Variants in ARHGAP15 observed in about 807,000 individuals in gnomAD.
The protein encoded by ARHGAP15 is Rho GTPase activating protein 15.
A neutral mutation model predicts 63.7 loss-of-function variants in ARHGAP15; 51 were observed. The ratio of observed to expected loss-of-function variants is 0.80; its 90% CI spans 0.64 to 1.01. The LOEUF (loss-of-function observed/expected upper bound fraction) is 1.01, where lower values mean the gene tolerates loss of function less well. ARHGAP15 is among the 50% of genes least tolerant of loss of function. The probability of loss-of-function intolerance (pLI) is 0.00; values close to 1 mark genes in which losing one functional copy is unlikely to be tolerated. For missense variants in ARHGAP15, 560 were observed against 564.6 expected (o/e 0.99, Z 0.08); for synonymous variants, 191 against 193.8 (o/e 0.99, Z 0.12).
chr2:143,228,716 G>A (rs1406362135), intron 5 of ARHGAP15, 48 bp downstream of exon 5: 4 of 1,383,628 alleles, frequency 2.9e-6, no homozygotes, highest in African/African-American at 1.5e-5. Context: ...CAGAAATATT[G>A]TAGAATTAAA....
intron 12 of ARHGAP15, among the ~76,000 whole-genome samples, chr2:143,655,674 T>C (rs1431685555): frequency 6.6e-5 from 10 of 152,170 alleles, no homozygotes; most frequent in Non-Finnish European, 1.5e-4. Flanking sequence ...TGAAGGACTT[T>C]ACTAACCTTG....
At chr2:143,611,003 A>G (rs1698232682) in intron 11 of ARHGAP15, among the ~76,000 whole-genome samples, 1 of 152,178 alleles carries the variant, frequency 6.6e-6, no homozygotes, top group Admixed American at 6.5e-5. Context: ...TTCTAGGATT[A>G]CAGGCGTGAG....
At chr2:143,283,208 A>T (rs934753794) in intron 6 of ARHGAP15, among the ~76,000 whole-genome samples, 6 of 152,174 alleles carry the variant, frequency 3.9e-5, no homozygotes, top group Non-Finnish European at 5.9e-5. Context: ...GTGAAACTTC[A>T]CAAGGCAAGA....
intron 12 of ARHGAP15, among the ~76,000 whole-genome samples, chr2:143,686,614 A>G (rs1366688815): frequency 1.3e-5 from 2 of 152,090 alleles, no homozygotes; most frequent in Non-Finnish European, 2.9e-5. Context: ...AACATATTTT[A>G]TTGTGAAAAT....
chr2:143,348,901 T>C (rs1685427706), intron 6 of ARHGAP15, among the ~76,000 whole-genome samples: 1 of 152,154 alleles, frequency 6.6e-6, no homozygotes, highest in Non-Finnish European at 1.5e-5. Flanking sequence ...AAAAGTAAAT[T>C]AAGTCAGAAG....
intron 11 of ARHGAP15, among the ~76,000 whole-genome samples, chr2:143,594,420 G>A (rs75569250): frequency 0.014 from 2,147 of 152,262 alleles, 54 homozygotes; most frequent in African/African-American, 0.05. Flanking sequence ...TCCGCCAGCT[G>A]CTAATTACGG....
At chr2:143,760,645 G>A (rs1014658160) in intron 13 of ARHGAP15, among the ~76,000 whole-genome samples, 1 of 152,026 alleles carries the variant, frequency 6.6e-6, no homozygotes, top group African/African-American at 2.4e-5. Context: ...TTCATGCAGA[G>A]GTTCAATAAA....
At chr2:143,679,589 A>T (rs1425092470) in intron 12 of ARHGAP15, among the ~76,000 whole-genome samples, 1 of 152,032 alleles carries the variant, frequency 6.6e-6, no homozygotes, top group Non-Finnish European at 1.5e-5. Flanking sequence ...AAGCATGAAG[A>T]TTCCTCCAAC....
At chr2:143,350,930 G>A (rs979497679) in intron 6 of ARHGAP15, 1 of 151,496 alleles carries the variant, frequency 6.6e-6, no homozygotes, top group African/African-American at 2.4e-5. Context: ...AATTGTCTCG[G>A]TTCTCTTTAT....
chr2:143,682,193 C>T (rs1336795996), intron 12 of ARHGAP15, among the ~76,000 whole-genome samples: 4 of 152,066 alleles, frequency 2.6e-5, no homozygotes, highest in Non-Finnish European at 5.9e-5. Flanking sequence ...CTTTCATCTT[C>T]CTTCCTAGTT....
chr2:143,745,633 C>T (rs1686135510), intron 13 of ARHGAP15, among the ~76,000 whole-genome samples: 1 of 152,040 alleles, frequency 6.6e-6, no homozygotes, highest in Non-Finnish European at 1.5e-5. Context: ...CATATATATG[C>T]AAGAGATTAC....
chr2:143,677,034 G>A (rs1682861700), intron 12 of ARHGAP15, among the ~76,000 whole-genome samples: 1 of 152,204 alleles, frequency 6.6e-6, no homozygotes, highest in African/African-American at 2.4e-5. Flanking sequence ...TTCAAAAAAA[G>A]GAAGTGATTG....
intron 12 of ARHGAP15, among the ~76,000 whole-genome samples, chr2:143,680,474 G>A (rs2105369958): frequency 6.6e-6 from 1 of 152,336 alleles, no homozygotes; most frequent in African/African-American, 2.4e-5. Flanking sequence ...ATAAATGAGA[G>A]CAATCTTTCA....
chr2:143,432,271 T>A (rs138465136), intron 6 of ARHGAP15, among the ~76,000 whole-genome samples: 253 of 152,166 alleles, frequency 1.7e-3, no homozygotes, highest in African/African-American at 6.0e-3. Context: ...TTCTACACAT[T>A]AATTTCTCAT....
chr2:143,662,336 C>A (rs938356186), intron 12 of ARHGAP15, among the ~76,000 whole-genome samples: 3 of 148,238 alleles, frequency 2.0e-5, no homozygotes, highest in African/African-American at 7.4e-5. Flanking sequence ...GGTATTCCAA[C>A]AGACCTGCAG....
chr2:143,733,830 C>T (rs1359936053), intron 13 of ARHGAP15, among the ~76,000 whole-genome samples: 1 of 152,016 alleles, frequency 6.6e-6, no homozygotes, highest in Non-Finnish European at 1.5e-5. Context: ...ATGTACAATA[C>T]CTAAGATGGA....
chr2:143,260,175 A>C (rs1188180679), intron 6 of ARHGAP15, among the ~76,000 whole-genome samples: 1 of 152,184 alleles, frequency 6.6e-6, no homozygotes, highest in African/African-American at 2.4e-5. Flanking sequence ...TTTCAAGTTA[A>C]ATGACAAATA....
intron 6 of ARHGAP15, among the ~76,000 whole-genome samples, chr2:143,327,067 T>C (rs1481018851): frequency 2.6e-5 from 4 of 152,156 alleles, no homozygotes; most frequent in Non-Finnish European, 5.9e-5. Context: ...TTGAGCAAAG[T>C]CTCAGGATAC....
intron 11 of ARHGAP15, among the ~76,000 whole-genome samples, chr2:143,577,648 C>A (rs895399715): frequency 2.0e-5 from 3 of 152,128 alleles, no homozygotes; most frequent in Admixed American, 6.6e-5. Flanking sequence ...TGCTTCTAGT[C>A]CCTCAGGAAG....
Sources: allele counts gnomAD v4.1 joint callset (sites outside exome capture counted in the v4.1 genomes callset), GRCh38; gene constraint gnomAD v4.1.1; transcripts MANE v1.5; gene names NCBI Gene and HGNC (gene_info 2026-07-23, HGNC 2026-07-21).